GALK2: variants seen among roughly 807,000 people sequenced by gnomAD.
GALK2 encodes galactokinase 2.
In GALK2, 36 loss-of-function variants were observed where a neutral mutation model predicts 52.4. The ratio of observed to expected loss-of-function variants is 0.69; its 90% CI spans 0.53 to 0.91. GALK2 has a LOEUF of 0.91. Among genes scored for constraint, GALK2 ranks in the 40% least tolerant of loss-of-function variants. The pLI is 0.00. For missense variants in GALK2, 579 were observed against 559.1 expected (o/e 1.04, Z -0.36); for synonymous variants, 176 against 199.1 (o/e 0.88, Z 0.98).
At chr15:49,365,804 C>T in intron 3 of GALK2, 1 of 863,356 alleles carries the variant, frequency 1.2e-6, no homozygotes, top group South Asian at 1.3e-5. Context: ...ATGCACAGTC[C>T]AGAGAGAAAC....
intron 3 of GALK2, among the ~76,000 whole-genome samples, chr15:49,363,634 G>T (rs1355248375): frequency 1.3e-5 from 2 of 152,080 alleles, no homozygotes; most frequent in African/African-American, 4.8e-5. Flanking sequence ...TTGTCTGATT[G>T]CTCTGGCCAG....
chr15:49,265,085 G>A (rs1207124943), intron 5 of GALK2, among the ~76,000 whole-genome samples: 1 of 152,184 alleles, frequency 6.6e-6, no homozygotes, highest in Non-Finnish European at 1.5e-5. Flanking sequence ...CGTGCTGGGA[G>A]AACCACTGCT....
intron 1 of GALK2, among the ~76,000 whole-genome samples, chr15:49,163,793 G>T (rs1453875633): frequency 6.6e-6 from 1 of 152,142 alleles, no homozygotes; most frequent in Non-Finnish European, 1.5e-5. Flanking sequence ...TGCAGCATAT[G>T]CCTTGCTTAT....
intron 3 of GALK2, among the ~76,000 whole-genome samples, chr15:49,217,814 A>G (rs1447844351): frequency 6.6e-6 from 1 of 152,214 alleles, no homozygotes; most frequent in Admixed American, 6.5e-5. Flanking sequence ...TGCCTAATAG[A>G]GGTAAGTTTC....
chr15:49,174,901 C>G (rs1346860886), intron 1 of GALK2, among the ~76,000 whole-genome samples: 1 of 152,112 alleles, frequency 6.6e-6, no homozygotes, highest in Admixed American at 6.5e-5. Context: ...GAAAGAAGAG[C>G]TTTATTGGCA....
chr15:49,349,244 C>T (rs1019844177), intron 3 of GALK2, among the ~76,000 whole-genome samples: 3 of 152,080 alleles, frequency 2.0e-5, no homozygotes, highest in African/African-American at 7.2e-5. Context: ...ACTTACAATA[C>T]TCATACTCAT....
At chr15:49,349,251 T>G in intron 3 of GALK2, among the ~76,000 whole-genome samples, 1 of 152,136 alleles carries the variant, frequency 6.6e-6, no homozygotes, top group East Asian at 1.9e-4. Flanking sequence ...ATACTCATAC[T>G]CATTCATGTG....
At chr15:49,361,206 A>C (rs958979785) in intron 3 of GALK2, among the ~76,000 whole-genome samples, 1 of 152,194 alleles carries the variant, frequency 6.6e-6, no homozygotes, top group Non-Finnish European at 1.5e-5. Context: ...TAAAAAATTA[A>C]TTTAAAAAAC....
chr15:49,366,300 C>G, intron 3 of GALK2: 1 of 788,148 alleles, frequency 1.3e-6, no homozygotes, highest in East Asian at 2.4e-5. Flanking sequence ...TCAGGAAATT[C>G]AGATCTGTTA....
At chr15:49,192,364 T>C (rs2086786996) in intron 1 of GALK2, among the ~76,000 whole-genome samples, 1 of 151,334 alleles carries the variant, frequency 6.6e-6, no homozygotes, top group Non-Finnish European at 1.5e-5. Flanking sequence ...AACAGTTTCA[T>C]TGCACTTCAT....
intron 5 of GALK2, among the ~76,000 whole-genome samples, chr15:49,278,888 C>T (rs2032288559): frequency 1.3e-5 from 2 of 152,232 alleles, no homozygotes; most frequent in African/African-American, 4.8e-5. Flanking sequence ...GCTGGGGCAG[C>T]CTCAGGAAAC....
chr15:49,166,295 C>T (rs1424812900), upstream of GALK2, among the ~76,000 whole-genome samples: 4 of 152,186 alleles, frequency 2.6e-5, no homozygotes, highest in East Asian at 1.9e-4. Context: ...AATCTATGTT[C>T]GGTTAAAGCA....
chr15:49,237,984 C>T (rs533902279), intron 4 of GALK2, among the ~76,000 whole-genome samples: 1 of 152,160 alleles, frequency 6.6e-6, no homozygotes, highest in Admixed American at 6.5e-5. Context: ...GAGAAGTACA[C>T]CCAGCTAAAT....
intron 2 of GALK2, 67 bp from the exon 3 acceptor site, chr15:49,217,123 A>G (rs960340475): frequency 3.5e-6 from 5 of 1,443,516 alleles, no homozygotes; most frequent in Non-Finnish European, 3.8e-6. Flanking sequence ...TCCTGTATGT[A>G]AACTTTCTTG....
At chr15:49,340,403 G>GCCCCCCCCCCTC (rs373386438) in intron 3 of GALK2, among the ~76,000 whole-genome samples, 4 of 94,380 alleles carry the variant, frequency 4.2e-5, no homozygotes, top group Non-Finnish European at 8.9e-5. Flanking sequence ...GCAGTGCCCC[G>GCCCCCCCCCCTC]CCCCCCCCCT....
At chr15:49,365,424 C>T (rs1164515242) in intron 3 of GALK2, 7 of 971,362 alleles carry the variant, frequency 7.2e-6, no homozygotes, top group African/African-American at 6.4e-5. Context: ...CTACAGTACG[C>T]AAGCAACAGG....
In GALK2 at chr15:49,329,112, T is replaced by G. The variant is rs370667288; in HGVS notation, c.*953T>G. The G allele has an allele frequency of 1.0e-6, 1 of 993,912 alleles. No homozygotes were observed. The allele number at this position is 993,912 out of a possible 1,614,324, so 61.6% of individuals were successfully genotyped here. A position where few individuals can be genotyped will look rare whatever the true frequency, so the allele number is the denominator to read the frequency against. ...TCCTTATATCCCTTTTTTGCTTGTC[T>G]AGCAAAGCTTGTTTGTATATATGCA... On this transcript the variant is annotated 3_prime_UTR_variant, in exon 10 of 10. Transcript: ENST00000560031.
chr15:49,322,131 G>C (rs182946606), intron 9 of GALK2, among the ~76,000 whole-genome samples: 233 of 152,310 alleles, frequency 1.5e-3, no homozygotes, highest in African/African-American at 5.4e-3. Context: ...GGGTTTGGAA[G>C]AGTACCTTTT....
At chr15:49,335,555 T>A, downstream of GALK2, 1 of 1,298,110 alleles carries the variant, frequency 7.7e-7, no homozygotes, top group East Asian at 2.3e-5. Flanking sequence ...AAGTAAACAG[T>A]ACCCTTCACA....
Sources: allele counts gnomAD v4.1 joint callset (sites outside exome capture counted in the v4.1 genomes callset), GRCh38; gene constraint gnomAD v4.1.1; transcripts MANE v1.5; gene names NCBI Gene and HGNC (gene_info 2026-07-23, HGNC 2026-07-21).